BMI1: variants seen among roughly 807,000 people sequenced by gnomAD.
The protein encoded by BMI1 is polycomb complex protein BMI-1.
BMI1 carries 9 observed loss-of-function variants against 39.1 expected under a neutral mutation model. The observed-to-expected ratio is 0.23, with a 90% CI of 0.14 to 0.40. The LOEUF is 0.40. Ranked by LOEUF, BMI1 falls within the 10% of genes least tolerant of loss-of-function variation. The pLI is 1.00. For missense variants in BMI1, 252 were observed against 390.8 expected (o/e 0.64, Z 2.99); for synonymous variants, 131 against 127.9 (o/e 1.02, Z -0.16).
downstream of BMI1, chr10:22,331,502 C>T (rs1472608243): frequency 1.3e-5 from 2 of 152,072 alleles, no homozygotes; most frequent in Admixed American, 6.5e-5. Flanking sequence ...GAATTTAACT[C>T]ATTTTCTAGG....
chr10:22,325,649 C>T (rs1371084959), intron 1 of BMI1: 3 of 147,526 alleles, frequency 2.0e-5, no homozygotes, highest in East Asian at 2.0e-4. Context: ...CCGCCCGCCG[C>T]CCCGCACGCC....
At chr10:22,322,065 C>G (rs1226605307) in intron 1 of BMI1, 1 of 151,456 alleles carries the variant, frequency 6.6e-6, no homozygotes, top group African/African-American at 2.4e-5. Context: ...GTTCCCCGCT[C>G]CCCCGGGCGC....
Position 22,321,520 on chromosome 10 carries a change from G to T in BMI1, c.-196G>T, listed in dbSNP as rs1304623632. The T allele has an allele frequency of 3.2e-5, 5 of 154,676 alleles. No homozygotes were observed. The highest frequency in any genetic ancestry group is 7.2e-5 in the African/African-American group (3 of 41,462). 9.6% of individuals were successfully genotyped at this position (154,676 alleles called of 1,614,324 possible). ...GGAGGAGGCCGGCCGGAGGCGGCAT[G>T]AGACGAGCGTGGCGGCCGCGGCTGC... On this transcript the variant is annotated 5_prime_UTR_variant, in exon 1 of 10. It removes an upstream start codon present in the reference 5' UTR. Coordinates refer to ENST00000376663, the MANE Select transcript of BMI1 (RefSeq NM_005180.9).
chr10:22,323,147 T>C (rs1319212797), intron 1 of BMI1, among the ~76,000 whole-genome samples: 1 of 152,218 alleles, frequency 6.6e-6, no homozygotes, highest in Non-Finnish European at 1.5e-5. Flanking sequence ...CACTAAACAG[T>C]TGATATTTAA....
Position 22,329,740 on chromosome 10 carries a change from T to C in BMI1, c.*198T>C. ...GTTAATTGAAAAGAAAGATTGTTGT[T>C]ATAAAGAATTGGTTTCTTGGAAAGC... On this transcript the variant is annotated 3_prime_UTR_variant, in exon 10 of 10. Transcript: ENST00000376663. 1.5e-6 allele frequency: 1 copy of C among 651,334 alleles called. No individual in the cohort carries two copies. Among genetic ancestry groups the C allele is most frequent in the South Asian group, 2.4e-5 (1 of 41,786 alleles). 40.3% of individuals were successfully genotyped at this position (651,334 alleles called of 1,614,324 possible). A position where few individuals can be genotyped will look rare whatever the true frequency, so the allele number is the denominator to read the frequency against.
intron 1 of BMI1, among the ~76,000 whole-genome samples, chr10:22,324,162 G>C (rs1344826564): frequency 6.6e-6 from 1 of 152,160 alleles, no homozygotes; most frequent in African/African-American, 2.4e-5. Flanking sequence ...TGTGGTGTTG[G>C]TTTTCTGCAA....
intron 1 of BMI1, chr10:22,326,155 C>T (rs1197773180): frequency 9.8e-6 from 3 of 304,806 alleles, no homozygotes; most frequent in Non-Finnish European, 1.2e-5. Context: ...AAGAAAGAGA[C>T]CCTAATACGC....
Position 22,329,595 on chromosome 10 carries a change from C to G in BMI1, c.*53C>G, listed in dbSNP as rs540036739. 56 of 1,559,608 alleles carry G rather than the reference C, an allele frequency of 3.6e-5. No individual in the cohort carries two copies. The East Asian group carries it at 9.9e-4, about 28-fold the overall frequency. On this transcript the variant is annotated 3_prime_UTR_variant, in exon 10 of 10. Coordinates refer to ENST00000376663, the MANE Select transcript of BMI1 (RefSeq NM_005180.9). ...TTAAACCCCTGATTTATATAGATAT[C>G]TTCATGCCATTACAGCTTTCTAGAT...
At position 22,326,591 on chromosome 10, in the gene BMI1, A is replaced by G. The variant is rs368068922; in HGVS notation, c.112+30A>G. The stretch of plus-strand genomic sequence containing the variant: ...GTACCGAGCTTTAGCTCTCTTTTGT[A>G]TCATGCGTATTTCACAGTTCGACCT... On this transcript the variant is annotated intron_variant, in intron 2 of 9. Coordinates refer to ENST00000376663, the MANE Select transcript of BMI1 (RefSeq NM_005180.9). The G allele has an allele frequency of 1.6e-5, 25 of 1,605,326 alleles. No homozygotes were observed. The African/African-American group carries it at 3.1e-4, about 20-fold the overall frequency.
rs1836239088 is a variant in BMI1 at position 22,329,532 on chromosome 10, C to G, written c.971C>G (p.Ser324Cys). Residue 324 changes from serine to cysteine, a missense_variant, in exon 10 of 10, where the codon TCT becomes TGT. Transcript: ENST00000376663. ...TCAGTAAATGGGTCATCAGCAACTT[C>G]TTCTGGTTGATACCTGAGACTGTTA... ...KSSVNGSSAT[S>C]SG The G allele has an allele frequency of 3.1e-6, 5 of 1,613,612 alleles. No homozygotes were observed. In the Admixed American group the frequency reaches 8.3e-5, roughly 27 times the overall value.
At chr10:22,326,032 A>G (rs769909669) in intron 1 of BMI1, 10 of 154,706 alleles carry the variant, frequency 6.5e-5, no homozygotes, top group Non-Finnish European at 1.4e-4. Context: ...TTCTTGAGGA[A>G]GTTTTATAAT....
intron 1 of BMI1, among the ~76,000 whole-genome samples, chr10:22,323,360 A>G (rs1311108398): frequency 6.6e-6 from 1 of 152,244 alleles, no homozygotes; most frequent in African/African-American, 2.4e-5. Context: ...TCTTATGCCT[A>G]GTAAAATATC....
At position 22,330,368 on chromosome 10, in the gene BMI1, A is replaced by G. The variant is rs1588622258; in HGVS notation, c.*826A>G. 6.5e-6 allele frequency: 1 copy of G among 152,684 alleles called. No homozygotes were observed. The highest frequency in any genetic ancestry group is 1.5e-5 in the Non-Finnish European group (1 of 68,028). 9.5% of individuals were successfully genotyped at this position (152,684 alleles called of 1,614,324 possible). A position where few individuals can be genotyped will look rare whatever the true frequency, so the allele number is the denominator to read the frequency against. The stretch of plus-strand genomic sequence containing the variant: ...ACTGGTTCGACCTTTGCAGATACCC[A>G]TAACCTATGTTGAGCCTTGCTTACC... On this transcript the variant is annotated 3_prime_UTR_variant, in exon 10 of 10. Transcript: ENST00000376663.
Position 22,327,780 on chromosome 10 carries a change from CCTT to C in BMI1, c.307_309del (p.Ser103del). The C allele has an allele frequency of 6.2e-7, 1 of 1,613,316 alleles. No homozygotes were observed. The highest frequency in any genetic ancestry group is 8.5e-7 in the Non-Finnish European group (1 of 1,179,580). On this transcript the variant is annotated inframe_deletion, in exon 5 of 10. Coordinates refer to ENST00000376663, the MANE Select transcript of BMI1 (RefSeq NM_005180.9). ...AAGAAGGGATTTTTATGCAGCTCAT[CCTT>C]CTGCTGATGGTAAACCTTTTAGGGG... is the stretch of plus-strand genomic sequence containing the variant.
Position 22,329,622 on chromosome 10 carries a change from C to T in BMI1, c.*80C>T, listed in dbSNP as rs1482879991. 2.7e-5 allele frequency: 40 copies of T among 1,470,694 alleles called. No individual in the cohort carries two copies. Among genetic ancestry groups the T allele is most frequent in the Admixed American group, 4.5e-5 (2 of 44,196 alleles). The allele number at this position is 1,470,694 out of a possible 1,614,324, so 91.1% of individuals were successfully genotyped here. On this transcript the variant is annotated 3_prime_UTR_variant, in exon 10 of 10. Coordinates refer to ENST00000376663, the MANE Select transcript of BMI1 (RefSeq NM_005180.9). ...TCATGCCATTACAGCTTTCTAGATGCTAATACATGTGACTATCGTCCAATT... is the reference window on the plus strand; with the variant it reads ...TCATGCCATTACAGCTTTCTAGATGTTAATACATGTGACTATCGTCCAATT...
chr10:22,330,158 A>G lies in BMI1; in HGVS notation c.*616A>G, dbSNP rs995317042. On this transcript the variant is annotated 3_prime_UTR_variant, in exon 10 of 10. Coordinates refer to ENST00000376663, the MANE Select transcript of BMI1 (RefSeq NM_005180.9). ...ATCTGTATGCCTAAAAGCGGGTACT[A>G]CCGTTTATTTTACTGACTTGTTTAA... is the stretch of plus-strand genomic sequence containing the variant. The G allele has an allele frequency of 6.5e-6, 1 of 153,030 alleles. No homozygotes were observed. Among genetic ancestry groups the G allele is most frequent in the Non-Finnish European group, 1.5e-5 (1 of 68,346 alleles). 9.5% of individuals were successfully genotyped at this position (153,030 alleles called of 1,614,324 possible).
chr10:22,327,085 G>GA (rs1426344727), intron 3 of BMI1, 99 bp downstream of exon 3: 6 of 1,321,148 alleles, frequency 4.5e-6, no homozygotes, highest in Non-Finnish European at 6.4e-6. Flanking sequence ...ATTTACTCTT[G>GA]AATACATAAC....
chr10:22,328,830 C>A, intron 8 of BMI1, 132 bp downstream of exon 8: 1 of 1,049,734 alleles, frequency 9.5e-7, no homozygotes, highest in Non-Finnish European at 1.3e-6. Flanking sequence ...TGAAATTTAT[C>A]TTAAAACATT....
chr10:22,329,731 GATT>G lies in BMI1; in HGVS notation c.*190_*192del, dbSNP rs987217193. On this transcript the variant is annotated 3_prime_UTR_variant, in exon 10 of 10. Transcript: ENST00000376663. ...CCTATGGACGTTAATTGAAAAGAAA[GATT>G]GTTGTTATAAAGAATTGGTTTCTTG... is the stretch of plus-strand genomic sequence containing the variant. 1.6e-4 allele frequency: 111 copies of G among 673,378 alleles called. No individual in the cohort carries two copies. Among genetic ancestry groups the G allele is most frequent in the Non-Finnish European group, 2.3e-4 (97 of 422,708 alleles). The allele number at this position is 673,378 out of a possible 1,614,324, so 41.7% of individuals were successfully genotyped here.
Sources: allele counts gnomAD v4.1 joint callset (sites outside exome capture counted in the v4.1 genomes callset), GRCh38; gene constraint gnomAD v4.1.1; transcripts MANE v1.5; gene names NCBI Gene and HGNC (gene_info 2026-07-23, HGNC 2026-07-21).